The following CELSR3 variants were observed in gnomAD, a reference collection of about 807,000 sequenced individuals.
CELSR3 encodes the protein EGF-like protein 1.
Under a neutral mutation model 270.0 loss-of-function variants are expected in CELSR3, and 73 were observed. The ratio of observed to expected loss-of-function variants is 0.27; its 90% CI spans 0.22 to 0.33. The LOEUF is 0.33. Ranked by LOEUF, CELSR3 falls within the 10% of genes least tolerant of loss-of-function variation. The probability of loss-of-function intolerance (pLI) is 1.00; values close to 1 mark genes in which losing one functional copy is unlikely to be tolerated. For missense variants in CELSR3, 3,614 were observed against 4,533.8 expected (o/e 0.80, Z 5.83); for synonymous variants, 1,780 against 1,905.4 (o/e 0.93, Z 1.71).
At position 48,662,703 on chromosome 3, in the gene CELSR3, CG is replaced by C. The variant is rs2077079028; in HGVS notation, c.-70del. ...CGGGCCTTGGGCTGGCCCCGCCGCT[CG>C]GGCCCCCTCCCGGGCCCCTGCCGCC... On this transcript the variant is annotated 5_prime_UTR_variant, in exon 1 of 35. Transcript: ENST00000164024. This position sits in a 1 kb window ranked among gnomAD's most constrained non-coding sequence, Gnocchi z 7.1. 2 of 683,724 alleles carry C rather than the reference CG, an allele frequency of 2.9e-6. No homozygotes were observed. Among genetic ancestry groups the C allele is most frequent in the Admixed American group, 9.0e-5 (2 of 22,214 alleles). 42.4% of individuals were successfully genotyped at this position (683,724 alleles called of 1,614,324 possible). A position where few individuals can be genotyped will look rare whatever the true frequency, so the allele number is the denominator to read the frequency against.
At position 48,655,797 on chromosome 3, in the gene CELSR3, CTCGT is replaced by C; in HGVS notation, c.4676_4679del (p.Asn1559ArgfsTer36). 1 of 1,594,022 alleles carries C rather than the reference CTCGT, an allele frequency of 6.3e-7. No individual in the cohort carries two copies. Among genetic ancestry groups the C allele is most frequent in the Non-Finnish European group, 8.6e-7 (1 of 1,167,950 alleles). On this transcript the variant is annotated frameshift_variant, in exon 4 of 35. Transcript: ENST00000164024. LOFTEE classifies it high-confidence loss of function. This position sits in a 1 kb window ranked among gnomAD's most constrained non-coding sequence, Gnocchi z 5.8. The stretch of plus-strand genomic sequence containing the variant: ...GTTCCAGGGCCAGGAAGTCGTGCTT[CTCGT>C]TCAGGCGCCCGTTGTAGAAGAGCAG...
In CELSR3 at chr3:48,658,749, T is replaced by G. The variant is rs537902438; in HGVS notation, c.3748+138A>C. 6 of 976,044 alleles carry G rather than the reference T, an allele frequency of 6.1e-6. No homozygotes were observed. Among genetic ancestry groups the G allele is most frequent in the African/African-American group, 1.6e-5 (1 of 60,810 alleles). The allele number at this position is 976,044 out of a possible 1,614,324, so 60.5% of individuals were successfully genotyped here. On this transcript the variant is annotated intron_variant, in intron 1 of 34. Coordinates refer to ENST00000164024, the MANE Select transcript of CELSR3 (RefSeq NM_001407.3). This position sits in a 1 kb window ranked among gnomAD's most constrained non-coding sequence, Gnocchi z 4.7. ...TCCTTGTGAGGTCTGTGGCAGATCT[T>G]GTAGGGTGCAGGAACCCTACCCTTA...
rs368029339 is a variant in CELSR3, at chr3:48,640,356, G to C, written c.9229C>G (p.Arg3077Gly). The C allele has an allele frequency of 1.2e-6, 2 of 1,612,714 alleles. No individual in the cohort carries two copies. The highest frequency in any genetic ancestry group is 2.7e-5 in the African/African-American group (2 of 75,030). ...SSREQLDLLL[R>G]RQLSRERLEE... ...AGTCGCTCACGGCTCAGTTGCCGCC[G>C]GAGGAGCAGGTCCAGCTGTTCTCTA... The change falls in exon 34 of 35, where the codon CGG becomes GGG. Residue 3077 changes from arginine to glycine, a missense_variant. Arg to Gly is a moderately radical substitution (Grantham distance 125). This residue lies in a region of CELSR3 where 1,240 missense variants were observed against 1,351.7 expected (regional missense o/e 0.92). Transcript: ENST00000164024. This position sits in a 1 kb window ranked among gnomAD's most constrained non-coding sequence, Gnocchi z 7.5.
In CELSR3 at chr3:48,650,902, G is replaced by T. The variant is rs142196349; in HGVS notation, c.6360C>A (p.Ser2120Arg). Residue 2120 changes from serine to arginine, a missense_variant, in exon 15 of 35, where the codon AGC becomes AGA. By Grantham distance (110) the Ser-to-Arg change is moderately radical. Around this residue, in one of 7 missense-constraint regions of CELSR3, gnomAD observed 1,331 missense variants for 1,933.7 expected, o/e 0.69. Transcript: ENST00000164024. The surrounding 1 kb of genome is among the most constrained non-coding windows in gnomAD (Gnocchi z 5.1). ...CDSPFAEVTASGCRVLYDACP... is the reference protein window; with the variant it reads ...CDSPFAEVTARGCRVLYDACP... ...GTGGAGCCTGCTCACCCCGGCAGCC[G>T]CTGGCTGTCACCTCTGCGAAGGGAC... 2 of 1,610,218 alleles carry T rather than the reference G, an allele frequency of 1.2e-6. No homozygotes were observed. Among genetic ancestry groups the T allele is most frequent in the East Asian group, 2.2e-5 (1 of 44,870 alleles).
In CELSR3 at chr3:48,641,296, G is replaced by T. The variant is rs749234917; in HGVS notation, c.9025+28C>A. 4 of 1,470,658 alleles carry T rather than the reference G, an allele frequency of 2.7e-6. No homozygotes were observed. Among genetic ancestry groups the T allele is most frequent in the South Asian group, 1.1e-5 (1 of 87,874 alleles). 91.1% of individuals were successfully genotyped at this position (1,470,658 alleles called of 1,614,324 possible). A position where few individuals can be genotyped will look rare whatever the true frequency, so the allele number is the denominator to read the frequency against. On this transcript the variant is annotated intron_variant, in intron 33 of 34. Transcript: ENST00000164024. The surrounding 1 kb of genome is among the most constrained non-coding windows in gnomAD (Gnocchi z 4.8). ...CATGAGCAGCCCCCAGCGTGTCTGCGGTGTGGGCCAGGGCTCAGGGACTGT... is the reference window on the plus strand; with the variant it reads ...CATGAGCAGCCCCCAGCGTGTCTGCTGTGTGGGCCAGGGCTCAGGGACTGT...
At chr3:48,643,229 G>T in intron 28 of CELSR3, 146 bp from the exon 29 acceptor site, 1 of 653,452 alleles carries the variant, frequency 1.5e-6, no homozygotes, top group South Asian at 1.9e-5. Flanking sequence ...GGGAGTTGGG[G>T]AAGGTCAGCA....
rs770007308 is a variant in CELSR3 at position 48,645,861 on chromosome 3, G to C, written c.7471C>G (p.Gln2491Glu). Residue 2491 changes from glutamine to glutamate, a missense_variant, in exon 23 of 35, where the codon CAG becomes GAG. Coordinates refer to ENST00000164024, the MANE Select transcript of CELSR3 (RefSeq NM_001407.3). The surrounding 1 kb of genome is among the most constrained non-coding windows in gnomAD (Gnocchi z 5.4). ...VQWDPPGLAE[Q>E]HGVWTARDCE... Reference sequence around the variant, plus strand: ...TCCCGTGCTGTCCACACACCATGCTGCTCCGCCCTGCAGCCACAGGGCAGT... The same window carrying C: ...TCCCGTGCTGTCCACACACCATGCTCCTCCGCCCTGCAGCCACAGGGCAGT... 4.4e-6 allele frequency: 7 copies of C among 1,596,942 alleles called. No individual in the cohort carries two copies. Among genetic ancestry groups the C allele is most frequent in the Middle Eastern group, 1.7e-4 (1 of 5,968 alleles).
At position 48,645,526 on chromosome 3, in the gene CELSR3, G is replaced by C; in HGVS notation, c.7714C>G (p.Arg2572Gly). The C allele has an allele frequency of 6.2e-7, 1 of 1,612,752 alleles. No homozygotes were observed. The highest frequency in any genetic ancestry group is 8.5e-7 in the Non-Finnish European group (1 of 1,180,018). Residue 2572 changes from arginine (R) to glycine (G), a missense_variant, in exon 24 of 35, where the codon CGT (arginine) becomes GGT (glycine). Arg to Gly is a moderately radical substitution (Grantham distance 125). Coordinates refer to ENST00000164024, the MANE Select transcript of CELSR3 (RefSeq NM_001407.3). This position sits in a 1 kb window ranked among gnomAD's most constrained non-coding sequence, Gnocchi z 5.4. ...LSLRSLKSNVRGIHANVAAAL... is the reference protein window; with the variant it reads ...LSLRSLKSNVGGIHANVAAAL... ...GCTGCCACATTGGCATGGATCCCAC[G>C]CACATTGGACTTGAGGCTGCGCAGG... is the stretch of plus-strand genomic sequence containing the variant.
Position 48,660,238 on chromosome 3 carries a change from C to CA in CELSR3, c.2396_2397insT (p.Asn800GlufsTer36). 6.2e-7 allele frequency: 1 copy of CA among 1,614,158 alleles called. No homozygotes were observed. Among genetic ancestry groups the CA allele is most frequent in the Non-Finnish European group, 8.5e-7 (1 of 1,180,044 alleles). ...CCTGGGTGCTGATGGCAAAGCGATT[C>CA]CGGGTGTTGCCGCCTGTGATCTGGT... On this transcript the variant is annotated frameshift_variant, in exon 1 of 35. Coordinates refer to ENST00000164024, the MANE Select transcript of CELSR3 (RefSeq NM_001407.3). LOFTEE classifies it high-confidence loss of function. This position sits in a 1 kb window ranked among gnomAD's most constrained non-coding sequence, Gnocchi z 5.5.
Position 48,642,953 on chromosome 3 carries a change from C to T in CELSR3, c.8406+14G>A. On this transcript the variant is annotated intron_variant, in intron 29 of 34. Coordinates refer to ENST00000164024, the MANE Select transcript of CELSR3 (RefSeq NM_001407.3). The surrounding 1 kb of genome is among the most constrained non-coding windows in gnomAD (Gnocchi z 6.1). ...CTAAAACTCTGGCTTCTCAGGGCCC[C>T]CATCCCGACTCACCAGCCCAGGTGC... 2 of 1,610,068 alleles carry T rather than the reference C, an allele frequency of 1.2e-6. No individual in the cohort carries two copies. Among genetic ancestry groups the T allele is most frequent in the Non-Finnish European group, 1.7e-6 (2 of 1,177,710 alleles).
At position 48,655,935 on chromosome 3, in the gene CELSR3, G is replaced by A. The variant is rs2047176729; in HGVS notation, c.4626-84C>T. ...ACACCCACCATCCCTGCGAGGAGAAGGGGCTGGGGCGAGAGAGGAAGCGAC... is the reference window on the plus strand; with the variant it reads ...ACACCCACCATCCCTGCGAGGAGAAAGGGCTGGGGCGAGAGAGGAAGCGAC... On this transcript the variant is annotated intron_variant, in intron 3 of 34. Coordinates refer to ENST00000164024, the MANE Select transcript of CELSR3 (RefSeq NM_001407.3). The surrounding 1 kb of genome is among the most constrained non-coding windows in gnomAD (Gnocchi z 5.8). 3 of 1,249,808 alleles carry A rather than the reference G, an allele frequency of 2.4e-6. No individual in the cohort carries two copies. The highest frequency in any genetic ancestry group is 3.4e-6 in the Non-Finnish European group (3 of 878,630). The allele number at this position is 1,249,808 out of a possible 1,614,324, so 77.4% of individuals were successfully genotyped here.
chr3:48,638,287 G>A (rs779243383), intron 34 of CELSR3, 55 bp from the exon 35 acceptor site: 5 of 1,357,824 alleles, frequency 3.7e-6, no homozygotes, highest in Admixed American at 1.7e-5. Flanking sequence ...CGAGTCAGGC[G>A]GCTCTGGACT....
rs1410308252 is a variant in CELSR3, at chr3:48,651,935, G to A, written c.5865C>T (p.Cys1955=). Residue 1955 remains cysteine, a synonymous_variant, in exon 12 of 35, where the codon TGC becomes TGT. Coordinates refer to ENST00000164024, the MANE Select transcript of CELSR3 (RefSeq NM_001407.3). This position sits in a 1 kb window ranked among gnomAD's most constrained non-coding sequence, Gnocchi z 7.4. The part of the protein sequence containing the change: ...VVTNACASGP[C]PPHADCRDLW... ...GGTCCCGGCAGTCTGCGTGAGGTGG[G>A]CAGGGCCCAGAGGCACAGGCGTTGG... 3.1e-6 allele frequency: 5 copies of A among 1,611,566 alleles called. No homozygotes were observed. In the South Asian group the frequency reaches 3.3e-5, roughly 11 times the overall value.
rs369266232 is a variant in CELSR3, at chr3:48,640,015, C to G, written c.9570G>C (p.Pro3190=). 6.2e-7 allele frequency: 1 copy of G among 1,611,924 alleles called. No individual in the cohort carries two copies. Among genetic ancestry groups the G allele is most frequent in the Non-Finnish European group, 8.5e-7 (1 of 1,179,842 alleles). The change falls in exon 34 of 35, where the codon CCG becomes CCC. Residue 3190 remains proline (P), a synonymous_variant. Transcript: ENST00000164024. This position sits in a 1 kb window ranked among gnomAD's most constrained non-coding sequence, Gnocchi z 7.5. Reference sequence around the variant, plus strand: ...TCGAGCTCCTAGACAGAGAGTCCAGCGGCCGGGATGGCAAGAGGGGGTCCC... The same window carrying G: ...TCGAGCTCCTAGACAGAGAGTCCAGGGGCCGGGATGGCAAGAGGGGGTCCC... ...LSRDPLLPSR[P]LDSLSRSSNS...
At position 48,650,195 on chromosome 3, in the gene CELSR3, A is replaced by G. The variant is rs557836412; in HGVS notation, c.6472+285T>C. ...AGGCAGCAGGGAGGGGTCTGCAGGG[A>G]CCTCAGGCAGCAGGAGGGGTCTGCA... On this transcript the variant is annotated intron_variant, in intron 16 of 34. Coordinates refer to ENST00000164024, the MANE Select transcript of CELSR3 (RefSeq NM_001407.3). The surrounding 1 kb of genome is among the most constrained non-coding windows in gnomAD (Gnocchi z 5.1). 7.2e-6 allele frequency: 4 copies of G among 552,050 alleles called. No homozygotes were observed. Among genetic ancestry groups the G allele is most frequent in the African/African-American group, 3.7e-5 (2 of 53,588 alleles). 34.2% of individuals were successfully genotyped at this position (552,050 alleles called of 1,614,324 possible). A position where few individuals can be genotyped will look rare whatever the true frequency, so the allele number is the denominator to read the frequency against.
At position 48,646,363 on chromosome 3, in the gene CELSR3, G is replaced by C. The variant is rs537690431; in HGVS notation, c.7296-106C>G. ...CTCGCCAGGGCTGACCCAGGGTCTGGGATGTCCCCAGAGTGGAAGCTGTTT... is the reference window on the plus strand; with the variant it reads ...CTCGCCAGGGCTGACCCAGGGTCTGCGATGTCCCCAGAGTGGAAGCTGTTT... On this transcript the variant is annotated intron_variant, in intron 21 of 34. Transcript: ENST00000164024. This position sits in a 1 kb window ranked among gnomAD's most constrained non-coding sequence, Gnocchi z 4.8. The C allele has an allele frequency of 1.6e-6, 2 of 1,235,808 alleles. No homozygotes were observed. The highest frequency in any genetic ancestry group is 2.6e-5 in the East Asian group (1 of 39,138). The allele number at this position is 1,235,808 out of a possible 1,614,324, so 76.6% of individuals were successfully genotyped here. A position where few individuals can be genotyped will look rare whatever the true frequency, so the allele number is the denominator to read the frequency against.
At position 48,640,015 on chromosome 3, in the gene CELSR3, C is replaced by T. The variant is rs369266232; in HGVS notation, c.9570G>A (p.Pro3190=). Residue 3190 remains proline (P), a synonymous_variant, in exon 34 of 35, where the codon CCG becomes CCA. Coordinates refer to ENST00000164024, the MANE Select transcript of CELSR3 (RefSeq NM_001407.3). The surrounding 1 kb of genome is among the most constrained non-coding windows in gnomAD (Gnocchi z 7.5). ...LSRDPLLPSR[P]LDSLSRSSNS... is the part of the protein sequence containing the mutation. ...TCGAGCTCCTAGACAGAGAGTCCAG[C>T]GGCCGGGATGGCAAGAGGGGGTCCC... The T allele has an allele frequency of 8.1e-5, 130 of 1,611,806 alleles. No homozygotes were observed. Among genetic ancestry groups the T allele is most frequent in the South Asian group, 6.6e-5 (6 of 91,074 alleles).
rs1403557085 is a variant in CELSR3 at position 48,646,560 on chromosome 3, G to T, written c.7295+203C>A. 6.6e-6 allele frequency among the ~76,000 whole-genome samples: 1 copy of T among 152,200 alleles called. No homozygotes were observed. Among genetic ancestry groups the T allele is most frequent in the Admixed American group, 6.5e-5 (1 of 15,290 alleles). ...TACCTGGCTCATGGATCCCTCCTGT[G>T]TGTGGCTCTGTGTCTGTCAGCCTGT... is the stretch of plus-strand genomic sequence containing the variant. On this transcript the variant is annotated intron_variant, in intron 21 of 34. Transcript: ENST00000164024. This position sits in a 1 kb window ranked among gnomAD's most constrained non-coding sequence, Gnocchi z 4.8.
In CELSR3 at chr3:48,653,574, A is replaced by G; in HGVS notation, c.5448+45T>C. 1 of 1,589,972 alleles carries G rather than the reference A, an allele frequency of 6.3e-7. No homozygotes were observed. Among genetic ancestry groups the G allele is most frequent in the Non-Finnish European group, 8.6e-7 (1 of 1,163,526 alleles). On this transcript the variant is annotated intron_variant, in intron 9 of 34. Transcript: ENST00000164024. This position sits in a 1 kb window ranked among gnomAD's most constrained non-coding sequence, Gnocchi z 6.5. The stretch of plus-strand genomic sequence containing the variant: ...CCACAAGAATGTCAGTGGCGGCCTA[A>G]GAGACTGAGAACTGAGGGTATAGGG...
Sources: allele counts gnomAD v4.1 joint callset (sites outside exome capture counted in the v4.1 genomes callset), GRCh38; gene constraint gnomAD v4.1.1; regional missense constraint gnomAD v4.1.1; non-coding constraint Gnocchi (gnomAD v3.1); transcripts MANE v1.5; gene names NCBI Gene and HGNC (gene_info 2026-07-23, HGNC 2026-07-21).